Variants in LDLRAP1 observed in about 807,000 individuals in gnomAD.
LDLRAP1 encodes low density lipoprotein receptor adapter protein 1.
A neutral mutation model predicts 37.8 loss-of-function variants in LDLRAP1; 30 were observed. That is an observed-to-expected ratio of 0.79 (90% confidence interval 0.59 to 1.08). The LOEUF (loss-of-function observed/expected upper bound fraction) is 1.08. Ranked by LOEUF, LDLRAP1 falls within the 50% of genes least tolerant of loss-of-function variation. LDLRAP1 has a pLI of 0.00. For missense variants in LDLRAP1, 375 were observed against 401.6 expected, an observed-to-expected ratio of 0.93 and a Z score of 0.57; for synonymous variants, 156 against 169.8, an observed-to-expected ratio of 0.92 and a Z score of 0.63.
At chr1:25,564,010 C>G in intron 7 of LDLRAP1, 1 of 628,470 alleles carries the variant, frequency 1.6e-6, no homozygotes, top group Non-Finnish European at 2.8e-6. Context: ...GCACAGCTGT[C>G]TCCTCACAAT....
chr1:25,586,202 T>C, the LDLRAP1 span, among the ~76,000 whole-genome samples: 1 of 152,124 alleles, frequency 6.6e-6, no homozygotes, highest in African/African-American at 2.4e-5. The surrounding 1 kb of genome is among the most constrained non-coding windows in gnomAD (Gnocchi z 4.3). Context: ...GTCCAGGGGC[T>C]CTCATGATAG....
intron 7 of LDLRAP1, 98 bp downstream of exon 7, chr1:25,563,889 GTGGGCC>G (rs2044412183): frequency 6.5e-7 from 1 of 1,540,556 alleles, no homozygotes; most frequent in Admixed American, 1.7e-5. Flanking sequence ...CCCGTGACTT[GTGGGCC>G]TCTGGGAGGA....
At chr1:25,561,920 C>T (rs1022395450) in intron 4 of LDLRAP1, among the ~76,000 whole-genome samples, 3 of 151,988 alleles carry the variant, frequency 2.0e-5, no homozygotes, top group East Asian at 1.9e-4. Context: ...GGGTGGGGCT[C>T]GAGGAGTCTG....
At chr1:25,549,336 G>T (rs1272256540) in intron 1 of LDLRAP1, among the ~76,000 whole-genome samples, 1 of 152,228 alleles carries the variant, frequency 6.6e-6, no homozygotes, top group East Asian at 1.9e-4. Context: ...GGAGGCCAGA[G>T]CCCCGGTTGG....
chr1:25,582,941 G>A, the LDLRAP1 span, among the ~76,000 whole-genome samples: 2 of 151,450 alleles, frequency 1.3e-5, no homozygotes, highest in South Asian at 2.1e-4. Flanking sequence ...GCGTGGTGAC[G>A]CAGGCCTGTA....
intron 1 of LDLRAP1, among the ~76,000 whole-genome samples, chr1:25,552,177 G>T (rs1226516191): frequency 6.6e-6 from 1 of 152,194 alleles, no homozygotes; most frequent in Non-Finnish European, 1.5e-5. Context: ...TCCAGACTGG[G>T]TAGGGGACCT....
chr1:25,552,593 C>T (rs1213529133), intron 1 of LDLRAP1, among the ~76,000 whole-genome samples: 1 of 152,242 alleles, frequency 6.6e-6, no homozygotes, highest in Non-Finnish European at 1.5e-5. Flanking sequence ...AGGGTTTCCT[C>T]TCTGTAAAAT....
the LDLRAP1 span, among the ~76,000 whole-genome samples, chr1:25,582,111 G>C: frequency 6.6e-6 from 1 of 152,188 alleles, no homozygotes; most frequent in South Asian, 2.1e-4. Flanking sequence ...GCCCTGGGCA[G>C]TGCCATGGCT....
At chr1:25,578,802 G>A in the LDLRAP1 span, among the ~76,000 whole-genome samples, 1 of 152,212 alleles carries the variant, frequency 6.6e-6, no homozygotes, top group South Asian at 2.1e-4. Context: ...ACAGGTGTGA[G>A]CCACTGTGCC....
downstream of LDLRAP1, among the ~76,000 whole-genome samples, chr1:25,569,346 ACAGGGGTC>A (rs1410237259): frequency 6.6e-6 from 1 of 152,090 alleles, no homozygotes; most frequent in Non-Finnish European, 1.5e-5. Context: ...AGTACTGGGG[ACAGGGGTC>A]CAGGCGTGGC....
the LDLRAP1 span, among the ~76,000 whole-genome samples, chr1:25,588,665 G>A: frequency 3.5e-4 from 54 of 152,244 alleles, no homozygotes; most frequent in Middle Eastern, 3.4e-3. Context: ...GAACCCAGAG[G>A]CCGGCGTGGA....
intron 1 of LDLRAP1, among the ~76,000 whole-genome samples, chr1:25,552,186 C>T (rs548721321): frequency 1.3e-5 from 2 of 152,178 alleles, no homozygotes; most frequent in Non-Finnish European, 2.9e-5. Context: ...GGTAGGGGAC[C>T]TGGTGATGCC....
chr1:25,564,811 T>C, intron 7 of LDLRAP1: 1 of 251,904 alleles, frequency 4.0e-6, no homozygotes, highest in Non-Finnish European at 7.9e-6. Context: ...TTGAAAGCCA[T>C]AGAAGTCATC....
intron 1 of LDLRAP1, among the ~76,000 whole-genome samples, chr1:25,547,755 G>A (rs1418985950): frequency 6.6e-6 from 1 of 152,194 alleles, no homozygotes; most frequent in Non-Finnish European, 1.5e-5. Flanking sequence ...TGGAAATGGT[G>A]TGCAGGGAGG....
the LDLRAP1 span, among the ~76,000 whole-genome samples, chr1:25,577,211 C>A: frequency 6.6e-6 from 1 of 152,152 alleles, no homozygotes; most frequent in African/African-American, 2.4e-5. Flanking sequence ...TAATTAGAAT[C>A]TTAATAAAAG....
At position 25,566,848 on chromosome 1, in the gene LDLRAP1, G is replaced by A; in HGVS notation, c.783G>A (p.Arg261=). Residue 261 remains arginine (R), a splice_region_variant and synonymous_variant, in exon 9 of 9, where the codon AGG becomes AGA. Coordinates refer to ENST00000374338, the MANE Select transcript of LDLRAP1 (RefSeq NM_015627.3). ...CGGCTCACACAGCTCTGCCTTCCAG[G>A]CTTGCCCAGTCTCGGACAAACCCTC... ...LDDGLDEAFS[R]LAQSRTNPQV... 1.2e-6 allele frequency: 2 copies of A among 1,608,468 alleles called. No individual in the cohort carries two copies. Among genetic ancestry groups the A allele is most frequent in the Non-Finnish European group, 8.5e-7 (1 of 1,177,778 alleles).
intron 7 of LDLRAP1, 81 bp downstream of exon 7, chr1:25,563,872 C>G (rs997628201): frequency 6.3e-7 from 1 of 1,589,298 alleles, no homozygotes; most frequent in Non-Finnish European, 8.6e-7. Flanking sequence ...GGGACCAGGC[C>G]CTGGGACCCG....
At chr1:25,551,802 G>A (rs2044077373) in intron 1 of LDLRAP1, among the ~76,000 whole-genome samples, 2 of 152,140 alleles carry the variant, frequency 1.3e-5, no homozygotes, top group Non-Finnish European at 2.9e-5. Flanking sequence ...TAGGGCTGGA[G>A]GGTCACTGGG....
At chr1:25,580,683 A>AT in the LDLRAP1 span, among the ~76,000 whole-genome samples, 5 of 151,242 alleles carry the variant, frequency 3.3e-5, no homozygotes, top group East Asian at 1.9e-4. Context: ...TAACTTTTTA[A>AT]TTTTTTTTTG....
Sources: gnomAD v4.1 joint callset for allele counts (sites outside exome capture counted in the v4.1 genomes callset) on GRCh38, gnomAD v4.1.1 for gene constraint, Gnocchi (gnomAD v3.1) non-coding constraint, MANE v1.5 for transcripts, NCBI Gene and HGNC (gene_info 2026-07-23, HGNC 2026-07-21) for gene names.